Variants in GCH1 observed in about 807,000 individuals in gnomAD.
GCH1 encodes GTP cyclohydrolase 1.
A neutral mutation model predicts 25.9 loss-of-function variants in GCH1; 5 were observed. The ratio of observed to expected loss-of-function variants is 0.19; its 90% CI spans 0.10 to 0.41. The LOEUF is 0.41. GCH1 is among the 10% of genes least tolerant of loss of function. The pLI is 1.00. For missense variants in GCH1, 261 were observed against 336.5 expected (o/e 0.78, Z 1.75); for synonymous variants, 159 against 129.6 (o/e 1.23, Z -1.54).
At chr14:54,891,937 G>C (rs142749573) in intron 1 of GCH1, among the ~76,000 whole-genome samples, 1 of 152,286 alleles carries the variant, frequency 6.6e-6, no homozygotes, top group East Asian at 1.9e-4. Context: ...TAAACCACAA[G>C]AGTAGTGACG....
intron 1 of GCH1, among the ~76,000 whole-genome samples, chr14:54,881,601 GAC>G (rs750393678): frequency 6.6e-6 from 1 of 152,246 alleles, no homozygotes; most frequent in South Asian, 2.1e-4. Flanking sequence ...TCCACAGACT[GAC>G]ACAATGGCGG....
intron 3 of GCH1, among the ~76,000 whole-genome samples, chr14:54,855,490 A>G (rs1368990703): frequency 8.0e-6 from 1 of 125,090 alleles, no homozygotes; most frequent in African/African-American, 3.2e-5. Context: ...TGGGCGACAG[A>G]GAAAGACCCT....
At chr14:54,851,643 C>G (rs2039732488) in intron 3 of GCH1, among the ~76,000 whole-genome samples, 1 of 152,146 alleles carries the variant, frequency 6.6e-6, no homozygotes, top group Non-Finnish European at 1.5e-5. Flanking sequence ...CACTGGCCAT[C>G]AGAGAAATGC....
At chr14:54,892,689 AAAAAAT>A (rs961127041) in intron 1 of GCH1, among the ~76,000 whole-genome samples, 3 of 149,862 alleles carry the variant, frequency 2.0e-5, no homozygotes, top group African/African-American at 7.4e-5. Flanking sequence ...ACTCTATCTC[AAAAAAT>A]AAAAATAAAA....
chr14:54,854,066 C>A (rs1024821610), intron 3 of GCH1, among the ~76,000 whole-genome samples: 1 of 152,204 alleles, frequency 6.6e-6, no homozygotes, highest in Admixed American at 6.5e-5. Context: ...AGTTACATAT[C>A]GTCTCATTCC....
At chr14:54,844,816 C>G (rs2039614708) in intron 5 of GCH1, among the ~76,000 whole-genome samples, 1 of 152,186 alleles carries the variant, frequency 6.6e-6, no homozygotes, top group Admixed American at 6.5e-5. Flanking sequence ...ATTAGAAAAA[C>G]TCGGCTTGGA....
chr14:54,900,344 G>T (rs2040546692), intron 1 of GCH1, among the ~76,000 whole-genome samples: 2 of 151,688 alleles, frequency 1.3e-5, no homozygotes, highest in Non-Finnish European at 2.9e-5. Context: ...CGAGTAGCTG[G>T]GACTACAGGC....
At chr14:54,845,457 G>A (rs570149436) in intron 5 of GCH1, among the ~76,000 whole-genome samples, 3 of 150,388 alleles carry the variant, frequency 2.0e-5, no homozygotes, top group Middle Eastern at 3.4e-3. Context: ...CAGCCTGGGC[G>A]ACAGAGTGAG....
At chr14:54,888,621 A>T (rs1351093059) in intron 1 of GCH1, among the ~76,000 whole-genome samples, 4 of 147,326 alleles carry the variant, frequency 2.7e-5, no homozygotes, top group Admixed American at 1.4e-4. Context: ...CACACCATTC[A>T]CCTGCCTCAG....
intron 1 of GCH1, among the ~76,000 whole-genome samples, chr14:54,896,631 G>A (rs983668670): frequency 2.0e-5 from 3 of 151,990 alleles, no homozygotes; most frequent in African/African-American, 7.3e-5. Context: ...GAAGTTTCTC[G>A]GCCGGGAGCG....
intron 1 of GCH1, among the ~76,000 whole-genome samples, chr14:54,895,209 A>G (rs562466932): frequency 6.6e-6 from 1 of 152,216 alleles, no homozygotes; most frequent in Non-Finnish European, 1.5e-5. Flanking sequence ...TCCAGTGAAA[A>G]TGGCTGAGGT....
At chr14:54,878,795 G>A (rs758090659) in intron 1 of GCH1, among the ~76,000 whole-genome samples, 11 of 151,910 alleles carry the variant, frequency 7.2e-5, no homozygotes, top group Admixed American at 6.6e-4. Context: ...ACAAGGTCTC[G>A]TCCTGTCACC....
chr14:54,873,791 C>T (rs1044370631), intron 1 of GCH1, among the ~76,000 whole-genome samples: 6 of 152,118 alleles, frequency 3.9e-5, no homozygotes, highest in Admixed American at 2.0e-4. Flanking sequence ...CAAGACTAAA[C>T]GAGGAAGAAG....
Position 54,842,850 on chromosome 14 carries a change from T to G in GCH1, c.*1167A>C. The G allele has an allele frequency of 2.4e-6, 1 of 424,404 alleles. No individual in the cohort carries two copies. The allele number at this position is 424,404 out of a possible 1,614,324, so 26.3% of individuals were successfully genotyped here. A position where few individuals can be genotyped will look rare whatever the true frequency, so the allele number is the denominator to read the frequency against. ...AAGGCAACAGCTTCCAGGATTAAAATACCTATACCATCTATACGGAGTTAC... is the reference window on the plus strand; with the variant it reads ...AAGGCAACAGCTTCCAGGATTAAAAGACCTATACCATCTATACGGAGTTAC... On this transcript the variant is annotated 3_prime_UTR_variant, in exon 6 of 6. Coordinates refer to ENST00000491895, the MANE Select transcript of GCH1 (RefSeq NM_000161.3).
intron 3 of GCH1, among the ~76,000 whole-genome samples, chr14:54,856,003 T>C (rs555125219): frequency 6.8e-6 from 1 of 146,900 alleles, no homozygotes; most frequent in East Asian, 2.0e-4. Flanking sequence ...ATTTAAATGG[T>C]ATGTTGCTTT....
rs753930127 is a variant in GCH1 at position 54,902,283 on chromosome 14, G to A, written c.343+38C>T. On this transcript the variant is annotated intron_variant, in intron 1 of 5. Transcript: ENST00000491895. ...CGCGTTTCCTGCAAGCACCGCCCCC[G>A]CCGCCCGCACGCTCTAGCAGCCCGC... The A allele has an allele frequency of 4.4e-6, 7 of 1,601,684 alleles. No individual in the cohort carries two copies. The South Asian group carries it at 6.6e-5, about 15-fold the overall frequency.
chr14:54,869,079 C>T (rs2040030721), intron 1 of GCH1, among the ~76,000 whole-genome samples: 1 of 152,042 alleles, frequency 6.6e-6, no homozygotes, highest in Non-Finnish European at 1.5e-5. Context: ...CACTCTGTCA[C>T]CCAGGCTGGA....
intron 1 of GCH1, chr14:54,886,341 G>C (rs1179470087): frequency 2.6e-5 from 4 of 152,492 alleles, no homozygotes; most frequent in Non-Finnish European, 5.9e-5. Flanking sequence ...GGCCGGGCGC[G>C]GTGGCTCATG....
chr14:54,902,195 G>A, intron 1 of GCH1, 126 bp downstream of exon 1: 1 of 1,057,630 alleles, frequency 9.5e-7, no homozygotes, highest in Non-Finnish European at 1.4e-6. Context: ...GGGTTCGGAG[G>A]TGACAGCGCC....
Sources: allele counts gnomAD v4.1 joint callset (sites outside exome capture counted in the v4.1 genomes callset), GRCh38; gene constraint gnomAD v4.1.1; transcripts MANE v1.5; gene names NCBI Gene and HGNC (gene_info 2026-07-23, HGNC 2026-07-21).